The following NALCN variants were observed in gnomAD, a reference collection of about 807,000 sequenced individuals.
NALCN encodes sodium leak channel NALCN.
NALCN carries 111 observed loss-of-function variants against 225.3 expected under a neutral mutation model. The ratio of observed to expected loss-of-function variants is 0.49; its 90% CI spans 0.42 to 0.58. NALCN has a LOEUF of 0.58. NALCN is among the 20% of genes least tolerant of loss of function. The probability of loss-of-function intolerance (pLI) is 0.00; values close to 1 mark genes in which losing one functional copy is unlikely to be tolerated. For synonymous variants in NALCN, 764 were observed against 769.0 expected (o/e 0.99, Z 0.11); for missense variants, 1,378 against 2,202.4 (o/e 0.63, Z 7.49).
chr13:101,359,515 C>T lies in NALCN; in HGVS notation c.645-14095G>A, dbSNP rs937455084. Among the ~76,000 whole-genome samples, 8 of 152,316 alleles carry T rather than the reference C, an allele frequency of 5.3e-5. No individual in the cohort carries two copies. In the East Asian group the frequency reaches 1.5e-3, roughly 29 times the overall value. The stretch of plus-strand genomic sequence containing the variant: ...GCATCAGCACATCATAAAAATTTGT[C>T]CTAGTGCAGTTAATGTTTATGATTC... On this transcript the variant is annotated intron_variant, in intron 6 of 43. Transcript: ENST00000251127.
chr13:101,342,735 T>C (rs1202255600), intron 7 of NALCN, among the ~76,000 whole-genome samples: 1 of 152,196 alleles, frequency 6.6e-6, no homozygotes, highest in African/African-American at 2.4e-5. Flanking sequence ...ATCTTCTTGA[T>C]ATTTGGATGA....
intron 13 of NALCN, among the ~76,000 whole-genome samples, chr13:101,213,326 C>T (rs1440390425): frequency 6.6e-6 from 1 of 152,154 alleles, no homozygotes; most frequent in South Asian, 2.1e-4. Context: ...AAATGTTAGA[C>T]CTAAAACCAT....
intron 10 of NALCN, among the ~76,000 whole-genome samples, chr13:101,272,659 G>C: frequency 6.6e-6 from 1 of 152,134 alleles, no homozygotes; most frequent in East Asian, 1.9e-4. Context: ...AATTTGGAGA[G>C]GACAAAAGGA....
intron 34 of NALCN, among the ~76,000 whole-genome samples, chr13:101,079,909 A>C (rs2033514106): frequency 6.6e-6 from 1 of 152,168 alleles, no homozygotes; most frequent in African/African-American, 2.4e-5. Context: ...TGTGTAAATG[A>C]GTCTTTCCCA....
At chr13:101,202,503 TC>T (rs2040160889) in intron 13 of NALCN, among the ~76,000 whole-genome samples, 1 of 152,072 alleles carries the variant, frequency 6.6e-6, no homozygotes. Flanking sequence ...TTATTTCAGA[TC>T]CCTCCAATTC....
At chr13:101,176,448 T>C in intron 14 of NALCN, 74 bp from the exon 15 acceptor site, 10 of 1,030,062 alleles carry the variant, frequency 9.7e-6, no homozygotes, top group Non-Finnish European at 1.4e-5. Context: ...ATAATATAGC[T>C]ACCTAAAATA....
intron 17 of NALCN, among the ~76,000 whole-genome samples, chr13:101,130,333 C>T (rs1209686393): frequency 6.6e-6 from 1 of 152,092 alleles, no homozygotes; most frequent in African/African-American, 2.4e-5. Flanking sequence ...TCCCGTTCAC[C>T]TCCTCATTTG....
At chr13:101,196,619 G>A (rs1337025031) in intron 13 of NALCN, among the ~76,000 whole-genome samples, 1 of 152,162 alleles carries the variant, frequency 6.6e-6, no homozygotes, top group Non-Finnish European at 1.5e-5. Context: ...GTTTCAGTAT[G>A]AGGAGAGGGG....
intron 1 of NALCN, among the ~76,000 whole-genome samples, chr13:101,405,817 T>C (rs1356148680): frequency 6.6e-5 from 10 of 152,108 alleles, no homozygotes; most frequent in Admixed American, 4.6e-4. Flanking sequence ...CAAAGGAAAA[T>C]AGCCTTCAGT....
At chr13:101,408,328 T>C (rs1007661574) in intron 1 of NALCN, among the ~76,000 whole-genome samples, 1 of 152,138 alleles carries the variant, frequency 6.6e-6, no homozygotes, top group African/African-American at 2.4e-5. Context: ...CGCGTATCCT[T>C]AGCTTGTGAA....
intron 41 of NALCN, among the ~76,000 whole-genome samples, chr13:101,060,869 A>C (rs7328013): frequency 0.36 from 54,423 of 151,986 alleles, 10,490 homozygotes; most frequent in East Asian, 0.57. Context: ...TGGAGCTAAC[A>C]TAGCTACAGT....
intron 1 of NALCN, among the ~76,000 whole-genome samples, chr13:101,403,325 A>C (rs61973735): frequency 0.067 from 10,152 of 152,212 alleles, 416 homozygotes; most frequent in Non-Finnish European, 0.094. Flanking sequence ...TTGTACCTGC[A>C]CTTCCTTTCA....
At chr13:101,080,882 G>A (rs1350654903) in intron 34 of NALCN, among the ~76,000 whole-genome samples, 3 of 151,622 alleles carry the variant, frequency 2.0e-5, no homozygotes, top group Non-Finnish European at 4.4e-5. Context: ...ATTTTCATTG[G>A]ACAATATGGC....
chr13:101,119,554 T>A (rs1251982533), intron 18 of NALCN, among the ~76,000 whole-genome samples: 4 of 152,228 alleles, frequency 2.6e-5, no homozygotes, highest in African/African-American at 7.2e-5. Flanking sequence ...TATTTTAACA[T>A]TTCTCTATTC....
chr13:101,126,426 T>C (rs557125245), intron 17 of NALCN, among the ~76,000 whole-genome samples: 1 of 152,178 alleles, frequency 6.6e-6, no homozygotes, highest in African/African-American at 2.4e-5. Flanking sequence ...AGCACATACA[T>C]GCTATTTCCA....
chr13:101,332,021 T>C (rs2045192711), intron 7 of NALCN, among the ~76,000 whole-genome samples: 1 of 152,114 alleles, frequency 6.6e-6, no homozygotes, highest in South Asian at 2.1e-4. Context: ...GACTCCCACC[T>C]GCCAAGCAAC....
chr13:101,063,612 C>A (rs2032135576), intron 40 of NALCN, among the ~76,000 whole-genome samples: 1 of 152,222 alleles, frequency 6.6e-6, no homozygotes, highest in African/African-American at 2.4e-5. Context: ...ACATGCATTT[C>A]TCCGTCCCAT....
chr13:101,282,106 A>G (rs2043186763), intron 10 of NALCN, among the ~76,000 whole-genome samples: 1 of 152,182 alleles, frequency 6.6e-6, no homozygotes, highest in Non-Finnish European at 1.5e-5. Context: ...GAGGTTTCCC[A>G]AAAAATTAAA....
chr13:101,165,813 T>TA (rs1334782698), intron 15 of NALCN, among the ~76,000 whole-genome samples: 2 of 152,218 alleles, frequency 1.3e-5, no homozygotes, highest in Admixed American at 6.5e-5. Context: ...TCAGCAGTGT[T>TA]AAACATACTC....
Sources: gnomAD v4.1 joint callset for allele counts (sites outside exome capture counted in the v4.1 genomes callset) on GRCh38, gnomAD v4.1.1 for gene constraint, MANE v1.5 for transcripts, NCBI Gene and HGNC (gene_info 2026-07-23, HGNC 2026-07-21) for gene names.